The following AAK1 variants were observed in gnomAD, a reference collection of about 807,000 sequenced individuals.
The protein encoded by AAK1 is AP2-associated protein kinase 1.
In AAK1, 37 loss-of-function variants were observed where a neutral mutation model predicts 116.0. The observed-to-expected ratio is 0.32, with a 90% CI of 0.25 to 0.42. The LOEUF (loss-of-function observed/expected upper bound fraction) is 0.42, where lower values mean the gene tolerates loss of function less well. AAK1 is among the 10% of genes least tolerant of loss of function. The pLI is 1.00. For missense variants in AAK1, 919 were observed against 1,170.6 expected (o/e 0.79, Z 3.14); for synonymous variants, 458 against 439.9 (o/e 1.04, Z -0.51).
At chr2:69,486,055 A>G (rs1675288309) in intron 17 of AAK1, among the ~76,000 whole-genome samples, 1 of 152,048 alleles carries the variant, frequency 6.6e-6, no homozygotes. Flanking sequence ...CTCGGGCTCA[A>G]CAGATCCTTC....
In AAK1 at chr2:69,480,461, T is replaced by C. The variant is rs533752973; in HGVS notation, c.2569+399A>G. Among the ~76,000 whole-genome samples the C allele has an allele frequency of 6.4e-4, 97 of 152,216 alleles. 2 individuals are homozygous for C. The South Asian group carries it at 0.02, about 31-fold the overall frequency. On this transcript the variant is annotated intron_variant, in intron 19 of 21. Transcript: ENST00000409085. ...GAACGGAACATCAATATATAGAAGA[T>C]GAGCTCCACGGACATCACTGGCATT...
chr2:69,570,901 C>T (rs76637792), intron 2 of AAK1, among the ~76,000 whole-genome samples: 1,813 of 152,236 alleles, frequency 0.012, 90 homozygotes, highest in Admixed American at 0.089. Flanking sequence ...CTGTATGTAC[C>T]CTGTACTGGA....
rs576924012 is a variant in AAK1 at position 69,568,540 on chromosome 2, C to T, written c.164-11562G>A. Among the ~76,000 whole-genome samples the T allele has an allele frequency of 1.3e-4, 19 of 151,708 alleles. No individual in the cohort carries two copies. In the South Asian group the frequency reaches 4.0e-3, roughly 32 times the overall value. On this transcript the variant is annotated intron_variant, in intron 2 of 21. Transcript: ENST00000409085. ...TGAACCCTCAGGCTCAAGTGATCCT[C>T]CCAGCTCAGCTTCCCAAGTGGCTGA...
At chr2:69,599,982 A>G (rs866480894) in intron 2 of AAK1, among the ~76,000 whole-genome samples, 8 of 145,624 alleles carry the variant, frequency 5.5e-5, no homozygotes, top group East Asian at 2.0e-4. Flanking sequence ...GAGTCTCACT[A>G]TGTTGTCCAG....
chr2:69,559,260 T>A (rs963035605), intron 2 of AAK1, among the ~76,000 whole-genome samples: 12 of 117,026 alleles, frequency 1.0e-4, no homozygotes, highest in African/African-American at 4.6e-4. Context: ...TCTCTCTCTC[T>A]CTCACACACA....
chr2:69,539,387 A>ACC (rs1670608904), intron 5 of AAK1, among the ~76,000 whole-genome samples: 1 of 150,812 alleles, frequency 6.6e-6, no homozygotes, highest in Non-Finnish European at 1.5e-5. Context: ...ATGAACTCTA[A>ACC]CCCCATTTGA....
intron 2 of AAK1, among the ~76,000 whole-genome samples, chr2:69,610,425 C>A (rs151308755): frequency 2.0e-5 from 3 of 152,338 alleles, no homozygotes; most frequent in African/African-American, 7.2e-5. Flanking sequence ...GGAAAATCTT[C>A]ATGACATTGA....
chr2:69,595,054 A>G, intron 2 of AAK1: 1 of 732,030 alleles, frequency 1.4e-6, no homozygotes, highest in South Asian at 1.3e-5. Context: ...AGGAACGTTC[A>G]CCATGTTTGC....
intron 17 of AAK1, among the ~76,000 whole-genome samples, chr2:69,485,659 C>CT (rs1178344901): frequency 0.017 from 2,516 of 144,522 alleles, 25 homozygotes; most frequent in Non-Finnish European, 0.026. Flanking sequence ...GAAAATCTCT[C>CT]TTTTTTTTTT....
At chr2:69,493,272 T>C (rs1006706627) in intron 17 of AAK1, among the ~76,000 whole-genome samples, 1 of 150,788 alleles carries the variant, frequency 6.6e-6, no homozygotes, top group Non-Finnish European at 1.5e-5. Flanking sequence ...CGTGGTAATA[T>C]AACATACTTA....
chr2:69,471,961 A>G lies in AAK1; in HGVS notation c.*3908T>C. On this transcript the variant is annotated 3_prime_UTR_variant, in exon 22 of 22. Coordinates refer to ENST00000409085, the MANE Select transcript of AAK1 (RefSeq NM_014911.5). ...CGTTTCTTGGGTTTGTTTTTCCACA[A>G]GTATTAGCAATCCAAGTTGTGTAAT... 1.0e-6 allele frequency: 1 copy of G among 985,428 alleles called. No homozygotes were observed. The highest frequency in any genetic ancestry group is 1.2e-6 in the Non-Finnish European group (1 of 829,886). The allele number at this position is 985,428 out of a possible 1,614,324, so 61.0% of individuals were successfully genotyped here.
intron 13 of AAK1, among the ~76,000 whole-genome samples, chr2:69,510,626 C>T (rs1330651418): frequency 6.6e-6 from 1 of 152,238 alleles, no homozygotes; most frequent in African/African-American, 2.4e-5. Context: ...AATCGCCACA[C>T]TGCTTTCCAC....
rs758676216 is a variant in AAK1 at position 69,474,175 on chromosome 2, G to C, written c.*1694C>G. On this transcript the variant is annotated 3_prime_UTR_variant, in exon 22 of 22. Coordinates refer to ENST00000409085, the MANE Select transcript of AAK1 (RefSeq NM_014911.5). ...ATGCAGTGTTTTATAGGCTGTTGTT[G>C]CTGTTAAACTTTTTTCCCCCATAAA... The C allele has an allele frequency of 1.0e-4, 103 of 985,700 alleles. No individual in the cohort carries two copies. Among genetic ancestry groups the C allele is most frequent in the Non-Finnish European group, 1.2e-4 (101 of 829,920 alleles). The allele number at this position is 985,700 out of a possible 1,614,324, so 61.1% of individuals were successfully genotyped here.
chr2:69,637,289 TC>T (rs1675489526), intron 2 of AAK1, among the ~76,000 whole-genome samples: 1 of 152,166 alleles, frequency 6.6e-6, no homozygotes, highest in South Asian at 2.1e-4. Context: ...TTGGGTCTGT[TC>T]CCCAGCTCTT....
intron 1 of AAK1, 60 bp downstream of exon 1, chr2:69,643,515 C>G: frequency 8.2e-7 from 1 of 1,224,790 alleles, no homozygotes; most frequent in African/African-American, 1.6e-5. Flanking sequence ...CCGGGCACTG[C>G]CTCCCGCTCC....
chr2:69,636,838 T>G lies in AAK1; in HGVS notation c.163+6040A>C, dbSNP rs1028524953. Among the ~76,000 whole-genome samples, 6 of 152,034 alleles carry G rather than the reference T, an allele frequency of 3.9e-5. No individual in the cohort carries two copies. The South Asian group carries it at 1.2e-3, about 32-fold the overall frequency. On this transcript the variant is annotated intron_variant, in intron 2 of 21. Coordinates refer to ENST00000409085, the MANE Select transcript of AAK1 (RefSeq NM_014911.5). ...CCTTAGCCTCCCAAGTAGCTGGAAT[T>G]ACAGGTAGCCGCCACCACGCCCGGC...
chr2:69,528,846 C>A (rs1404611817), intron 8 of AAK1, among the ~76,000 whole-genome samples: 2 of 152,120 alleles, frequency 1.3e-5, no homozygotes, highest in Non-Finnish European at 2.9e-5. Context: ...AAAAATAATA[C>A]TAGTCTAATA....
In AAK1 at chr2:69,643,184, G is replaced by C; in HGVS notation, c.-144C>G. ...CCACCCGAATCCGGCCGTGGGGGTG[G>C]GGGCTGAGGGAGGATGCCTATAGGA... On this transcript the variant is annotated 5_prime_UTR_variant, in exon 2 of 22. Coordinates refer to ENST00000409085, the MANE Select transcript of AAK1 (RefSeq NM_014911.5). 2 of 1,434,346 alleles carry C rather than the reference G, an allele frequency of 1.4e-6. No individual in the cohort carries two copies. The highest frequency in any genetic ancestry group is 2.9e-5 in the Admixed American group (1 of 34,450). The allele number at this position is 1,434,346 out of a possible 1,614,324, so 88.9% of individuals were successfully genotyped here.
In AAK1 at chr2:69,466,435, T is replaced by A. The variant is rs1674488513; in HGVS notation, c.*9434A>T. On this transcript the variant is annotated 3_prime_UTR_variant, in exon 22 of 22. Transcript: ENST00000409085. ...TAGTCAGATTCTAAGTTGTTCTGAG[T>A]CTTTGTGCCAGGTACTCTGGAGGGG... 2 of 1,289,718 alleles carry A rather than the reference T, an allele frequency of 1.6e-6. No individual in the cohort carries two copies. Among genetic ancestry groups the A allele is most frequent in the Non-Finnish European group, 2.0e-6 (2 of 988,820 alleles). The allele number at this position is 1,289,718 out of a possible 1,614,324, so 79.9% of individuals were successfully genotyped here.
Sources: allele counts gnomAD v4.1 joint callset (sites outside exome capture counted in the v4.1 genomes callset), GRCh38; gene constraint gnomAD v4.1.1; transcripts MANE v1.5; gene names NCBI Gene and HGNC (gene_info 2026-07-23, HGNC 2026-07-21).